The following IP6K1 variants were observed in gnomAD, a reference collection of about 807,000 sequenced individuals.
IP6K1 encodes ATP:1D-myo-inositol-hexakisphosphate phosphotransferase.
IP6K1 carries 13 observed loss-of-function variants against 38.3 expected under a neutral mutation model. The observed-to-expected ratio is 0.34, with a 90% CI of 0.22 to 0.54. IP6K1 has a LOEUF of 0.54. Among genes scored for constraint, IP6K1 ranks in the 20% least tolerant of loss-of-function variants. The pLI, the probability that IP6K1 is intolerant of heterozygous loss-of-function variation, is 0.92. For missense variants in IP6K1, 397 were observed against 599.8 expected (o/e 0.66, Z 3.53); for synonymous variants, 212 against 229.9 (o/e 0.92, Z 0.70).
chr3:49,773,468 G>T (rs2080977198), intron 1 of IP6K1, among the ~76,000 whole-genome samples: 1 of 152,124 alleles, frequency 6.6e-6, no homozygotes, highest in Non-Finnish European at 1.5e-5. Context: ...AAAATTAGCT[G>T]GGCGTGGTGG....
chr3:49,763,326 C>T (rs1309093160), intron 1 of IP6K1, among the ~76,000 whole-genome samples: 2 of 150,424 alleles, frequency 1.3e-5, no homozygotes, highest in African/African-American at 4.9e-5. Context: ...AGGATGGTCT[C>T]GATCTCCTGA....
intron 1 of IP6K1, among the ~76,000 whole-genome samples, chr3:49,756,570 C>T (rs1046581040): frequency 1.3e-5 from 2 of 152,088 alleles, no homozygotes; most frequent in Middle Eastern, 6.3e-3. Flanking sequence ...GTAATCCTAG[C>T]ACTTTGGGAG....
chr3:49,778,375 G>A (rs557096708), intron 1 of IP6K1, among the ~76,000 whole-genome samples: 34 of 151,624 alleles, frequency 2.2e-4, no homozygotes, highest in African/African-American at 8.0e-4. Context: ...GCTCATGCCT[G>A]TAATCCCGGC....
chr3:49,753,379 C>T (rs1295446044), intron 1 of IP6K1, among the ~76,000 whole-genome samples: 2 of 152,232 alleles, frequency 1.3e-5, no homozygotes, highest in South Asian at 2.1e-4. Context: ...ATCCTACCCT[C>T]CCTAGTTTAA....
At chr3:49,760,890 G>C (rs1336903122) in intron 1 of IP6K1, among the ~76,000 whole-genome samples, 1 of 152,140 alleles carries the variant, frequency 6.6e-6, no homozygotes, top group East Asian at 1.9e-4. Context: ...TATTTTCCCT[G>C]TCAACAGATT....
chr3:49,744,590 C>G (rs1356560667), intron 2 of IP6K1, among the ~76,000 whole-genome samples: 4 of 152,026 alleles, frequency 2.6e-5, no homozygotes, highest in Non-Finnish European at 4.4e-5. Context: ...CACTTCTTTA[C>G]TATCTGTCAC....
intron 2 of IP6K1, among the ~76,000 whole-genome samples, chr3:49,739,025 A>C (rs2080641624): frequency 6.6e-6 from 1 of 152,146 alleles, no homozygotes; most frequent in African/African-American, 2.4e-5. Context: ...TTTTAATCAA[A>C]TGGGTTGTTT....
intron 1 of IP6K1, among the ~76,000 whole-genome samples, chr3:49,766,450 G>A (rs1398557587): frequency 6.6e-6 from 1 of 151,212 alleles, no homozygotes; most frequent in Non-Finnish European, 1.5e-5. Flanking sequence ...GCTCACTTGA[G>A]GTCAGGAGTT....
chr3:49,779,057 C>T (rs1020694142), intron 1 of IP6K1, among the ~76,000 whole-genome samples: 6 of 152,136 alleles, frequency 3.9e-5, no homozygotes, highest in African/African-American at 1.4e-4. Context: ...ATAGGAGCAA[C>T]CATCACAATT....
Position 49,778,411 on chromosome 3 carries a change from T to C in IP6K1, c.-129+7943A>G, listed in dbSNP as rs1484684524. Among the ~76,000 whole-genome samples, 3 of 151,360 alleles carry C rather than the reference T, an allele frequency of 2.0e-5. No individual in the cohort carries two copies. In the East Asian group the frequency reaches 5.8e-4, roughly 29 times the overall value. ...ATTTTGGGAGGCCAAGGCAGGTGGA[T>C]GGCTTGAGGTCAGGAGGTCAAGACT... On this transcript the variant is annotated intron_variant, in intron 1 of 5. Coordinates refer to ENST00000321599, the MANE Select transcript of IP6K1 (RefSeq NM_153273.4).
chr3:49,749,281 G>T (rs990362787), intron 1 of IP6K1, among the ~76,000 whole-genome samples: 1 of 152,100 alleles, frequency 6.6e-6, no homozygotes, highest in African/African-American at 2.4e-5. Context: ...TAAATCTATG[G>T]TTGTCAATTT....
chr3:49,754,725 T>G (rs9855505), intron 1 of IP6K1, among the ~76,000 whole-genome samples: 81,020 of 151,908 alleles, frequency 0.53, 22,428 homozygotes, highest in East Asian at 0.83. Context: ...CAGGACTACT[T>G]TAAGAGCTAG....
At chr3:49,770,644 CA>C (rs1157443536) in intron 1 of IP6K1, among the ~76,000 whole-genome samples, 1 of 151,440 alleles carries the variant, frequency 6.6e-6, no homozygotes, top group Admixed American at 6.6e-5. Context: ...GACCCTGTCT[CA>C]AAAAAAATAA....
intron 2 of IP6K1, 130 bp from the exon 3 acceptor site, chr3:49,738,552 T>G (rs1199372763): frequency 2.5e-5 from 17 of 686,966 alleles, no homozygotes; most frequent in South Asian, 1.0e-4. Context: ...CAGATCAATA[T>G]CAGAACAACA....
intron 2 of IP6K1, among the ~76,000 whole-genome samples, chr3:49,743,279 C>CACACACA (rs775492367): frequency 2.7e-5 from 4 of 147,054 alleles, no homozygotes; most frequent in Non-Finnish European, 6.1e-5. Flanking sequence ...CACACACACA[C>CACACACA]ACTTACCTTT....
intron 1 of IP6K1, among the ~76,000 whole-genome samples, chr3:49,751,429 G>A (rs1205434813): frequency 1.3e-5 from 2 of 151,998 alleles, no homozygotes; most frequent in African/African-American, 4.8e-5. Flanking sequence ...CACAGTGCTG[G>A]GATTACAGGC....
intron 3 of IP6K1, among the ~76,000 whole-genome samples, chr3:49,736,641 G>T (rs559024004): frequency 6.6e-6 from 1 of 152,236 alleles, no homozygotes; most frequent in East Asian, 1.9e-4. Flanking sequence ...GGGTTAGCCA[G>T]AAACTGGAAA....
chr3:49,769,089 A>C (rs978033385), intron 1 of IP6K1, among the ~76,000 whole-genome samples: 1 of 152,206 alleles, frequency 6.6e-6, no homozygotes, highest in Non-Finnish European at 1.5e-5. Context: ...ATTAAAAACA[A>C]TGAAATAATG....
chr3:49,741,487 T>C (rs2080668840), intron 2 of IP6K1, among the ~76,000 whole-genome samples: 2 of 151,146 alleles, frequency 1.3e-5, no homozygotes, highest in African/African-American at 4.9e-5. Context: ...AAGCCCTTTG[T>C]GCAGTTTTGA....
Sources: gnomAD v4.1 joint callset for allele counts (sites outside exome capture counted in the v4.1 genomes callset) on GRCh38, gnomAD v4.1.1 for gene constraint, MANE v1.5 for transcripts, NCBI Gene and HGNC (gene_info 2026-07-23, HGNC 2026-07-21) for gene names.